Variants in BCAR3 observed in about 807,000 individuals in gnomAD.
BCAR3 encodes BCAR3 adaptor protein, NSP family member.
BCAR3 carries 37 observed loss-of-function variants against 80.1 expected under a neutral mutation model. The ratio of observed to expected loss-of-function variants is 0.46; its 90% CI spans 0.36 to 0.61. The LOEUF is 0.61. Among genes scored for constraint, BCAR3 ranks in the 20% least tolerant of loss-of-function variants. The probability of loss-of-function intolerance (pLI) is 0.00; values close to 1 mark genes in which losing one functional copy is unlikely to be tolerated. For missense variants in BCAR3, 978 were observed against 1,068.2 expected (o/e 0.92, Z 1.18); for synonymous variants, 389 against 418.9 (o/e 0.93, Z 0.87).
At chr1:93,563,303 A>T (rs905605892) in intron 11 of BCAR3, among the ~76,000 whole-genome samples, 1 of 152,220 alleles carries the variant, frequency 6.6e-6, no homozygotes, top group African/African-American at 2.4e-5. Context: ...GGAATCATCC[A>T]CTATGAACTT....
chr1:93,656,994 G>A (rs1647419572), intron 2 of BCAR3, among the ~76,000 whole-genome samples: 1 of 152,186 alleles, frequency 6.6e-6, no homozygotes, highest in Non-Finnish European at 1.5e-5. Context: ...AGCCAAATTT[G>A]TGGATAACCT....
chr1:93,579,649 G>T (rs944871216), intron 7 of BCAR3, among the ~76,000 whole-genome samples: 1 of 152,096 alleles, frequency 6.6e-6, no homozygotes, highest in Non-Finnish European at 1.5e-5. Context: ...CCAAGGGCGG[G>T]CAGGCAGGCA....
At chr1:93,816,647 G>A (rs1227479595) in intron 2 of BCAR3, among the ~76,000 whole-genome samples, 9 of 132,662 alleles carry the variant, frequency 6.8e-5, no homozygotes, top group Admixed American at 5.9e-4. Context: ...TTCTAGCCTC[G>A]GCGACAGAGC....
chr1:93,757,872 A>C (rs941730555), intron 2 of BCAR3, among the ~76,000 whole-genome samples: 1 of 152,230 alleles, frequency 6.6e-6, no homozygotes, highest in African/African-American at 2.4e-5. Context: ...ATTTACATGC[A>C]AATGTGCTCT....
intron 3 of BCAR3, among the ~76,000 whole-genome samples, chr1:93,637,238 C>T (rs1046120536): frequency 1.4e-4 from 22 of 151,818 alleles, no homozygotes; most frequent in African/African-American, 5.1e-4. Context: ...GGCCCAATCT[C>T]GGCTCACTGC....
chr1:93,777,427 T>C (rs1652604306), intron 2 of BCAR3, among the ~76,000 whole-genome samples: 1 of 133,640 alleles, frequency 7.5e-6, no homozygotes, highest in Admixed American at 7.2e-5. Flanking sequence ...CTCCTCCTCT[T>C]CCTCCTCCTC....
chr1:93,706,620 C>T (rs548766380), intron 2 of BCAR3, among the ~76,000 whole-genome samples: 58 of 152,150 alleles, frequency 3.8e-4, no homozygotes, highest in Non-Finnish European at 6.9e-4. Flanking sequence ...TCAGTTTCCT[C>T]ATCTGCAAAA....
At chr1:93,723,148 C>G (rs951718528) in intron 2 of BCAR3, among the ~76,000 whole-genome samples, 6 of 152,196 alleles carry the variant, frequency 3.9e-5, no homozygotes, top group Admixed American at 6.5e-5. Context: ...TGACTTGGCC[C>G]CAGGAATAAG....
chr1:93,657,830 C>A (rs1647460797), intron 2 of BCAR3, among the ~76,000 whole-genome samples: 1 of 152,010 alleles, frequency 6.6e-6, no homozygotes, highest in Admixed American at 6.6e-5. Context: ...AGAATTGCTT[C>A]AACCTGAAAA....
chr1:93,642,663 A>C (rs146890770), intron 2 of BCAR3, among the ~76,000 whole-genome samples: 1 of 152,330 alleles, frequency 6.6e-6, no homozygotes, highest in East Asian at 1.9e-4. Context: ...GGTGGGAGAC[A>C]GGCAGGACTG....
intron 2 of BCAR3, among the ~76,000 whole-genome samples, chr1:93,835,675 G>A: frequency 6.6e-6 from 1 of 152,096 alleles, no homozygotes; most frequent in East Asian, 1.9e-4. Flanking sequence ...TGTTCCATCT[G>A]CTATTTTACT....
Position 93,592,524 on chromosome 1 carries a change from T to C in BCAR3, c.358-131A>G. On this transcript the variant is annotated intron_variant, in intron 3 of 11. Coordinates refer to ENST00000260502, the MANE Select transcript of BCAR3 (RefSeq NM_003567.4). The surrounding 1 kb of genome is among the most constrained non-coding windows in gnomAD (Gnocchi z 4.8). ...CTGCATTCAGGTAGGGGAGCCTGGA[T>C]AATGATTACAAAGAGCTGTGACCTT... 7.9e-7 allele frequency: 1 copy of C among 1,263,048 alleles called. No homozygotes were observed. Among genetic ancestry groups the C allele is most frequent in the Non-Finnish European group, 1.1e-6 (1 of 931,362 alleles). The allele number at this position is 1,263,048 out of a possible 1,614,324, so 78.2% of individuals were successfully genotyped here.
At chr1:93,799,725 TTCC>T (rs1653410083) in intron 2 of BCAR3, among the ~76,000 whole-genome samples, 1 of 152,192 alleles carries the variant, frequency 6.6e-6, no homozygotes, top group African/African-American at 2.4e-5. Flanking sequence ...AGAGTGGAAT[TTCC>T]TCAAAATTTA....
At chr1:93,711,808 C>T (rs533411314) in intron 2 of BCAR3, among the ~76,000 whole-genome samples, 2 of 152,172 alleles carry the variant, frequency 1.3e-5, no homozygotes, top group Non-Finnish European at 2.9e-5. Flanking sequence ...GCTAAGGAAG[C>T]ACCTACAGAC....
At chr1:93,783,170 G>A (rs1652820964) in intron 2 of BCAR3, among the ~76,000 whole-genome samples, 2 of 152,148 alleles carry the variant, frequency 1.3e-5, no homozygotes, top group African/African-American at 4.8e-5. Flanking sequence ...TCCTATCATT[G>A]AGTGAGAATT....
intron 2 of BCAR3, among the ~76,000 whole-genome samples, chr1:93,748,431 G>A (rs1651432457): frequency 6.6e-6 from 1 of 152,120 alleles, no homozygotes; most frequent in Admixed American, 6.6e-5. Context: ...CCATCCCCAA[G>A]AACTGTTTCC....
chr1:93,774,533 T>C (rs1425799160), intron 2 of BCAR3, among the ~76,000 whole-genome samples: 4 of 150,686 alleles, frequency 2.7e-5, no homozygotes, highest in Non-Finnish European at 5.9e-5. Flanking sequence ...ATTTTGACCC[T>C]AGCCTTGATA....
chr1:93,608,115 T>A (rs1257392998), intron 3 of BCAR3, among the ~76,000 whole-genome samples: 2 of 152,122 alleles, frequency 1.3e-5, no homozygotes, highest in Non-Finnish European at 2.9e-5. Context: ...CACACACATA[T>A]CTAGAGTAGA....
chr1:93,720,849 G>A (rs1275895029), intron 2 of BCAR3, among the ~76,000 whole-genome samples: 2 of 152,188 alleles, frequency 1.3e-5, no homozygotes, highest in Admixed American at 6.5e-5. Flanking sequence ...GTGGGGAGGG[G>A]AGAAGAATGA....
Sources: gnomAD v4.1 joint callset for allele counts (sites outside exome capture counted in the v4.1 genomes callset) on GRCh38, gnomAD v4.1.1 for gene constraint, Gnocchi (gnomAD v3.1) non-coding constraint, MANE v1.5 for transcripts, NCBI Gene and HGNC (gene_info 2026-07-23, HGNC 2026-07-21) for gene names.